AUTS2: variants seen among roughly 807,000 people sequenced by gnomAD.
The protein encoded by AUTS2 is activator of transcription and developmental regulator AUTS2, also known as autism susceptibility gene 2 protein.
In AUTS2, 17 loss-of-function variants were observed where a neutral mutation model predicts 112.4. The ratio of observed to expected loss-of-function variants is 0.15; its 90% CI spans 0.10 to 0.23. AUTS2 has a LOEUF of 0.23. Among genes scored for constraint, AUTS2 ranks in the 10% least tolerant of loss-of-function variants. The pLI, the probability that AUTS2 is intolerant of heterozygous loss-of-function variation, is 1.00. For missense variants in AUTS2, 1,510 were observed against 1,701.6 expected (o/e 0.89, Z 1.98); for synonymous variants, 751 against 702.7 (o/e 1.07, Z -1.09).
At chr7:70,284,196 T>C (rs183678492) in intron 4 of AUTS2, among the ~76,000 whole-genome samples, 127 of 152,362 alleles carry the variant, frequency 8.3e-4, no homozygotes, top group Admixed American at 4.1e-3. Context: ...TCTTCATGTT[T>C]CACATCAATA....
chr7:70,417,384 G>C (rs538015976), intron 4 of AUTS2, among the ~76,000 whole-genome samples: 1 of 152,320 alleles, frequency 6.6e-6, no homozygotes, highest in South Asian at 2.1e-4. Context: ...TGTCATAGCT[G>C]ACCGTGGCAA....
chr7:69,740,708 T>A lies in AUTS2; in HGVS notation c.309+140746T>A, dbSNP rs147629655. On this transcript the variant is annotated intron_variant, in intron 1 of 18. Transcript: ENST00000342771. Reference sequence around the variant, plus strand: ...CTGGCTAATTTTTTTGTATTTTTAATAGAGACGGACTTTCACCATGTTAGG... The same window carrying A: ...CTGGCTAATTTTTTTGTATTTTTAAAAGAGACGGACTTTCACCATGTTAGG... Among the ~76,000 whole-genome samples, 443 of 151,986 alleles carry A rather than the reference T, an allele frequency of 2.9e-3. 5 individuals are homozygous for A. Among genetic ancestry groups the A allele is most frequent in the African/African-American group, 0.01 (429 of 41,472 alleles).
chr7:70,317,034 G>A (rs1379779869), intron 4 of AUTS2: 1 of 152,200 alleles, frequency 6.6e-6, no homozygotes, highest in Non-Finnish European at 1.5e-5. Flanking sequence ...ATGTGTGAGT[G>A]ACAGATCCCC....
At chr7:70,455,166 T>G (rs1796684484) in intron 5 of AUTS2, among the ~76,000 whole-genome samples, 2 of 152,198 alleles carry the variant, frequency 1.3e-5, no homozygotes, top group Non-Finnish European at 2.9e-5. Context: ...CACTCCTGAA[T>G]GTAATGCCCA....
intron 1 of AUTS2, among the ~76,000 whole-genome samples, chr7:69,720,692 G>C (rs1354941525): frequency 6.6e-6 from 1 of 152,128 alleles, no homozygotes; most frequent in Non-Finnish European, 1.5e-5. Flanking sequence ...AGGAAAAATT[G>C]GGTAAGATTT....
chr7:70,125,115 C>T (rs1805895399), intron 3 of AUTS2, among the ~76,000 whole-genome samples: 1 of 151,956 alleles, frequency 6.6e-6, no homozygotes, highest in Admixed American at 6.6e-5. Flanking sequence ...GTCATATTTT[C>T]CTGCTTCTTT....
Position 69,775,738 on chromosome 7 carries a change from G to A in AUTS2, c.310-123548G>A, listed in dbSNP as rs186183027. Among the ~76,000 whole-genome samples, 24 of 152,222 alleles carry A rather than the reference G, an allele frequency of 1.6e-4. No homozygotes were observed. In the East Asian group the frequency reaches 4.4e-3, roughly 28 times the overall value. ...GGGGAAGGCTGTCTGTGTTTCCCACGTGGGCCGGGTGAGCTGCTAGCATTT... is the reference window on the plus strand; with the variant it reads ...GGGGAAGGCTGTCTGTGTTTCCCACATGGGCCGGGTGAGCTGCTAGCATTT... On this transcript the variant is annotated intron_variant, in intron 1 of 18. Transcript: ENST00000342771.
rs999266801 is a variant in AUTS2 at position 70,694,193 on chromosome 7, G to A, written c.691-4376G>A. On this transcript the variant is annotated intron_variant, in intron 5 of 18. Coordinates refer to ENST00000342771, the MANE Select transcript of AUTS2 (RefSeq NM_015570.4). The surrounding 1 kb of genome is among the most constrained non-coding windows in gnomAD (Gnocchi z 4.1). ...GCGGCCGCCGATGGAGTTCACTTGA[G>A]CTGTGAACCGGCGGGAGAGGCAGGC... The A allele has an allele frequency of 1.3e-5, 2 of 150,200 alleles. No homozygotes were observed. Among genetic ancestry groups the A allele is most frequent in the Admixed American group, 1.3e-4 (2 of 15,112 alleles). The allele number at this position is 150,200 out of a possible 1,614,324, so 9.3% of individuals were successfully genotyped here.
intron 4 of AUTS2, among the ~76,000 whole-genome samples, chr7:70,261,898 G>T (rs373085008): frequency 2.0e-5 from 3 of 152,116 alleles, no homozygotes; most frequent in South Asian, 4.1e-4. Context: ...TCTTTATATT[G>T]TCTATTTGGC....
chr7:69,738,623 G>A (rs1787135896), intron 1 of AUTS2, among the ~76,000 whole-genome samples: 2 of 152,116 alleles, frequency 1.3e-5, no homozygotes, highest in Admixed American at 1.3e-4. Flanking sequence ...GGTTGGCAGG[G>A]CAATTAAGTA....
At chr7:70,091,125 A>T (rs1803896106) in intron 2 of AUTS2, among the ~76,000 whole-genome samples, 1 of 152,190 alleles carries the variant, frequency 6.6e-6, no homozygotes, top group African/African-American at 2.4e-5. Flanking sequence ...CCCTTCTCCC[A>T]GTACTGTAAA....
intron 5 of AUTS2, among the ~76,000 whole-genome samples, chr7:70,536,224 G>A (rs1367251200): frequency 6.6e-6 from 1 of 152,158 alleles, no homozygotes; most frequent in Non-Finnish European, 1.5e-5. Flanking sequence ...GGGAGGCAGA[G>A]GTTGCAGTGA....
intron 6 of AUTS2, among the ~76,000 whole-genome samples, chr7:70,704,028 T>G (rs1249166121): frequency 6.6e-6 from 1 of 152,218 alleles, no homozygotes. Flanking sequence ...AGCCGACTCT[T>G]GGAGAATTTG....
chr7:70,464,340 A>G (rs987791571), intron 5 of AUTS2, among the ~76,000 whole-genome samples: 5 of 152,172 alleles, frequency 3.3e-5, no homozygotes, highest in African/African-American at 9.7e-5. Flanking sequence ...TCCCCAAGTC[A>G]CTCAGAGCAA....
At chr7:70,363,611 ATTTTT>A (rs1792391324) in intron 4 of AUTS2, among the ~76,000 whole-genome samples, 1 of 151,934 alleles carries the variant, frequency 6.6e-6, no homozygotes, top group African/African-American at 2.4e-5. Flanking sequence ...TTTGCTGTTT[ATTTTT>A]ATCCCATAAC....
rs569649202 is a variant in AUTS2, at chr7:70,211,715, G to T, written c.660+77144G>T. 2.0e-5 allele frequency among the ~76,000 whole-genome samples: 3 copies of T among 151,818 alleles called. No homozygotes were observed. In the South Asian group the frequency reaches 6.2e-4, roughly 32 times the overall value. On this transcript the variant is annotated intron_variant, in intron 4 of 18. Transcript: ENST00000342771. ...AGAGAGCATTATACAGGCCAGGCGC[G>T]GTGGCTCATGCCTGTAATCTCAGCA...
intron 4 of AUTS2, among the ~76,000 whole-genome samples, chr7:70,362,810 T>G (rs1331672171): frequency 6.6e-6 from 1 of 152,198 alleles, no homozygotes; most frequent in African/African-American, 2.4e-5. Flanking sequence ...CAACAGATAC[T>G]TAAGGACATT....
chr7:70,118,060 C>T, intron 2 of AUTS2, 72 bp from the exon 3 acceptor site: 1 of 1,501,180 alleles, frequency 6.7e-7, no homozygotes. Context: ...TCACTCTTGA[C>T]AAGGATCAAA....
At chr7:70,465,137 C>G (rs1386807860) in intron 5 of AUTS2, among the ~76,000 whole-genome samples, 2 of 152,186 alleles carry the variant, frequency 1.3e-5, no homozygotes, top group African/African-American at 2.4e-5. Context: ...TCAGTTTGGT[C>G]CTGGAACTTT....
Sources: gnomAD v4.1 joint callset for allele counts (sites outside exome capture counted in the v4.1 genomes callset) on GRCh38, gnomAD v4.1.1 for gene constraint, Gnocchi (gnomAD v3.1) non-coding constraint, MANE v1.5 for transcripts, NCBI Gene and HGNC (gene_info 2026-07-23, HGNC 2026-07-21) for gene names.